The following FLYWCH1 variants were observed in gnomAD, a reference collection of about 807,000 sequenced individuals.
FLYWCH1 encodes FLYWCH-type zinc finger 1.
Under a neutral mutation model 66.4 loss-of-function variants are expected in FLYWCH1, and 75 were observed. That is an observed-to-expected ratio of 1.13 (90% CI 0.94 to 1.37). The LOEUF (loss-of-function observed/expected upper bound fraction) is 1.37. Among genes scored for constraint, FLYWCH1 ranks in the 40% most tolerant of loss-of-function variants. The pLI is 0.00. For synonymous variants in FLYWCH1, 595 were observed against 429.9 expected (o/e 1.38, Z -4.75); for missense variants, 1,334 against 1,001.8 (o/e 1.33, Z -4.48).
intron 9 of FLYWCH1, among the ~76,000 whole-genome samples, chr16:2,945,762 C>T (rs904538099): frequency 1.3e-5 from 2 of 152,032 alleles, no homozygotes; most frequent in African/African-American, 4.8e-5. Flanking sequence ...CTTTGGGAGG[C>T]CAAGGTGGGC....
Position 2,933,224 on chromosome 16 carries a change from G to A in FLYWCH1, c.891G>A (p.Gly297=), listed in dbSNP as rs368309677. The A allele has an allele frequency of 2.5e-6, 4 of 1,613,674 alleles. No individual in the cohort carries two copies. Among genetic ancestry groups the A allele is most frequent in the Admixed American group, 1.7e-5 (1 of 60,012 alleles). ...SFLYKREKAV[G]DKVYWTCRDH... The stretch of plus-strand genomic sequence containing the variant: ...TCTACAAGCGGGAGAAGGCTGTCGG[G>A]GACAAGGTGTATTGGACCTGCCGGG... The change falls in exon 5 of 10, where the codon GGG becomes GGA. Residue 297 remains glycine (G), a synonymous_variant. Transcript: ENST00000253928.
At chr16:2,924,794 A>T (rs2070499266) in intron 2 of FLYWCH1, among the ~76,000 whole-genome samples, 1 of 152,178 alleles carries the variant, frequency 6.6e-6, no homozygotes, top group African/African-American at 2.4e-5. Flanking sequence ...CAAGAGTGGG[A>T]ACGGGTCCTC....
At chr16:2,924,610 G>T (rs995923430) in intron 2 of FLYWCH1, among the ~76,000 whole-genome samples, 2 of 152,186 alleles carry the variant, frequency 1.3e-5, no homozygotes, top group African/African-American at 2.4e-5. Context: ...GCCCTGGCCC[G>T]TGAGGCGTGG....
chr16:2,916,916 G>T (rs1248314284), intron 2 of FLYWCH1, among the ~76,000 whole-genome samples: 1 of 151,630 alleles, frequency 6.6e-6, no homozygotes, highest in Non-Finnish European at 1.5e-5. Context: ...AGGCCGAGGG[G>T]GGTGGATCAT....
intron 1 of FLYWCH1, among the ~76,000 whole-genome samples, chr16:2,913,845 C>T (rs2070073176): frequency 6.9e-6 from 1 of 143,956 alleles, no homozygotes; most frequent in South Asian, 2.3e-4. Flanking sequence ...ACACTGGAGT[C>T]ATCCAGGAGC....
At position 2,929,867 on chromosome 16, in the gene FLYWCH1, A is replaced by G. The variant is rs1475795052; in HGVS notation, c.182A>G (p.Glu61Gly). ...DEDGVGSKPQ[E>G]VHCVLSLEMA... Reference sequence around the variant, plus strand: ...GATGGGGTGGGATCCAAGCCCCAGGAAGTGCACTGCGTCCTGTCCCTGGAG... The same window carrying G: ...GATGGGGTGGGATCCAAGCCCCAGGGAGTGCACTGCGTCCTGTCCCTGGAG... The change falls in exon 3 of 10, where the codon GAA (glutamate) becomes GGA (glycine). Residue 61 changes from glutamate to glycine, a missense_variant. By Grantham distance (98) the Glu-to-Gly change is moderately conservative. Coordinates refer to ENST00000253928, the MANE Select transcript of FLYWCH1 (RefSeq NM_001308068.2). The G allele has an allele frequency of 6.2e-7, 1 of 1,613,942 alleles. No homozygotes were observed. Among genetic ancestry groups the G allele is most frequent in the Non-Finnish European group, 8.5e-7 (1 of 1,179,880 alleles).
In FLYWCH1 at chr16:2,937,889, G is replaced by T. The variant is rs146584771; in HGVS notation, c.1778-295G>T. 2.2e-3 allele frequency among the ~76,000 whole-genome samples: 333 copies of T among 152,248 alleles called. 11 individuals are homozygous for T. The East Asian group carries it at 0.056, about 26-fold the overall frequency. The stretch of plus-strand genomic sequence containing the variant: ...CCCAGAAAGGCTCAGCCCCTGCCCT[G>T]GGGGATGCACCTGCAAGCATGAGGT... On this transcript the variant is annotated intron_variant, in intron 7 of 9. Transcript: ENST00000253928.
chr16:2,945,453 T>C (rs575768987), intron 9 of FLYWCH1, among the ~76,000 whole-genome samples: 9 of 141,276 alleles, frequency 6.4e-5, no homozygotes, highest in African/African-American at 2.2e-4. Flanking sequence ...TGCCACTGCA[T>C]TCCAGCCTGG....
Position 2,929,870 on chromosome 16 carries a change from T to C in FLYWCH1, c.185T>C (p.Val62Ala). 6.2e-7 allele frequency: 1 copy of C among 1,613,872 alleles called. No individual in the cohort carries two copies. The highest frequency in any genetic ancestry group is 1.1e-5 in the South Asian group (1 of 91,082). ...EDGVGSKPQE[V>A]HCVLSLEMAG... ...GGGGTGGGATCCAAGCCCCAGGAAG[T>C]GCACTGCGTCCTGTCCCTGGAGATG... The change falls in exon 3 of 10, where the codon GTG (valine) becomes GCG (alanine). Residue 62 changes from valine to alanine, a missense_variant. Val to Ala is a moderately conservative substitution (Grantham distance 64). Coordinates refer to ENST00000253928, the MANE Select transcript of FLYWCH1 (RefSeq NM_001308068.2).
chr16:2,930,463 G>A lies in FLYWCH1; in HGVS notation c.379G>A (p.Val127Met), dbSNP rs2070721472. 6.6e-7 allele frequency: 1 copy of A among 1,509,112 alleles called. No individual in the cohort carries two copies. Among genetic ancestry groups the A allele is most frequent in the East Asian group, 2.4e-5 (1 of 40,980 alleles). 93.5% of individuals were successfully genotyped at this position (1,509,112 alleles called of 1,614,324 possible). A position where few individuals can be genotyped will look rare whatever the true frequency, so the allele number is the denominator to read the frequency against. The change falls in exon 4 of 10, where the codon GTG (valine) becomes ATG (methionine). Residue 127 changes from valine (V) to methionine (M), a missense_variant. Physicochemically the swap from Val to Met is conservative, Grantham distance 21. Coordinates refer to ENST00000253928, the MANE Select transcript of FLYWCH1 (RefSeq NM_001308068.2). ...LRTPFGGRLL[V>M]LESFLYKQEK... The stretch of plus-strand genomic sequence containing the variant: ...GACACCATTCGGGGGCCGCCTCCTG[G>A]TGCTGGAGTCCTTCCTGTACAAGCA...
In FLYWCH1 at chr16:2,930,449, G is replaced by A; in HGVS notation, c.365G>A (p.Gly122Glu). Residue 122 changes from glycine to glutamate, a missense_variant, in exon 4 of 10, where the codon GGG becomes GAG. By Grantham distance (98) the Gly-to-Glu change is moderately conservative (BLOSUM62 -2). Transcript: ENST00000253928. Reference sequence around the variant, plus strand: ...CTGGAGTTCCTGAGGACACCATTCGGGGGCCGCCTCCTGGTGCTGGAGTCC... The same window carrying A: ...CTGGAGTTCCTGAGGACACCATTCGAGGGCCGCCTCCTGGTGCTGGAGTCC... ...QSLEFLRTPF[G>E]GRLLVLESFL... 6.7e-7 allele frequency: 1 copy of A among 1,494,704 alleles called. No homozygotes were observed. Among genetic ancestry groups the A allele is most frequent in the Non-Finnish European group, 8.9e-7 (1 of 1,124,250 alleles). The allele number at this position is 1,494,704 out of a possible 1,614,324, so 92.6% of individuals were successfully genotyped here. A position where few individuals can be genotyped will look rare whatever the true frequency, so the allele number is the denominator to read the frequency against.
chr16:2,936,903 G>A (rs1337686079), intron 6 of FLYWCH1: 3 of 676,804 alleles, frequency 4.4e-6, no homozygotes, highest in East Asian at 2.8e-5. Context: ...GCCACCTGCA[G>A]GGGCCTCACC....
At chr16:2,922,655 G>T in intron 2 of FLYWCH1, 1 of 436,582 alleles carries the variant, frequency 2.3e-6, no homozygotes, top group South Asian at 1.8e-5. Flanking sequence ...AGCCGGACTC[G>T]GTTTACATGA....
intron 6 of FLYWCH1, chr16:2,936,362 TCCTGCCTCCCGAGCCTC>T (rs1567342418): frequency 2.2e-6 from 1 of 456,298 alleles, no homozygotes; most frequent in East Asian, 7.0e-5. Context: ...CTCAGGGTCC[TCCTGCCTCCCGAGCCTC>T]CCTGCTCCAC....
At position 2,929,766 on chromosome 16, in the gene FLYWCH1, C is replaced by A. The variant is rs748843365; in HGVS notation, c.81C>A (p.Asp27Glu). 69 of 1,613,762 alleles carry A rather than the reference C, an allele frequency of 4.3e-5. No homozygotes were observed. In the Admixed American group the frequency reaches 1.1e-3, roughly 27 times the overall value. ...AGCCATCCCCCAAGCCAGGCACGGA[C>A]GTCATCCCGGCAGCCCCCAGGAAGC... is the stretch of plus-strand genomic sequence containing the variant. ...GQEPSPKPGT[D>E]VIPAAPRKPR... is the part of the protein sequence containing the mutation. The change falls in exon 3 of 10, where the codon GAC becomes GAA. Residue 27 changes from aspartate to glutamate, a missense_variant. Transcript: ENST00000253928.
intron 6 of FLYWCH1, 198 bp from the exon 7 acceptor site, chr16:2,936,923 C>A (rs1021380987): frequency 2.7e-6 from 2 of 731,196 alleles, no homozygotes; most frequent in Non-Finnish European, 4.5e-6. Flanking sequence ...CTGACCAGTC[C>A]CCAGCCTCAG....
At chr16:2,923,037 T>C in intron 2 of FLYWCH1, 1 of 435,396 alleles carries the variant, frequency 2.3e-6, no homozygotes, top group Non-Finnish European at 4.4e-6. Context: ...TGTGTGGATC[T>C]TTTTTTGTGT....
intron 2 of FLYWCH1, among the ~76,000 whole-genome samples, chr16:2,929,169 G>T (rs57596079): frequency 2.0e-5 from 3 of 152,200 alleles, no homozygotes; most frequent in African/African-American, 7.2e-5. Context: ...GCAGAAACGG[G>T]TCTCAGCTTC....
intron 9 of FLYWCH1, among the ~76,000 whole-genome samples, chr16:2,941,474 G>C (rs1340086364): frequency 6.6e-6 from 1 of 152,110 alleles, no homozygotes; most frequent in African/African-American, 2.4e-5. Context: ...GCCAGTCATG[G>C]TAGCATGTGC....
Sources: gnomAD v4.1 joint callset for allele counts (sites outside exome capture counted in the v4.1 genomes callset) on GRCh38, gnomAD v4.1.1 for gene constraint, MANE v1.5 for transcripts, NCBI Gene and HGNC (gene_info 2026-07-23, HGNC 2026-07-21) for gene names.